ZSWIM5: variants seen among roughly 807,000 people sequenced by gnomAD.
ZSWIM5 encodes the protein zinc finger SWIM domain-containing protein 5.
Under a neutral mutation model 119.6 loss-of-function variants are expected in ZSWIM5, and 55 were observed. The observed-to-expected ratio is 0.46, with a 90% CI of 0.37 to 0.58. The LOEUF is 0.58. Ranked by LOEUF, ZSWIM5 falls within the 20% of genes least tolerant of loss-of-function variation. ZSWIM5 has a pLI of 0.00. For synonymous variants in ZSWIM5, 537 were observed against 606.9 expected, an observed-to-expected ratio of 0.88 and a Z score of 1.69; for missense variants, 1,193 against 1,512.8, an observed-to-expected ratio of 0.79 and a Z score of 3.51.
At chr1:45,197,946 CCAG>C (rs1258866715) in intron 1 of ZSWIM5, among the ~76,000 whole-genome samples, 1 of 152,184 alleles carries the variant, frequency 6.6e-6, no homozygotes, top group Non-Finnish European at 1.5e-5. Context: ...CCCAAATAAA[CCAG>C]CAGTTTACAA....
intron 1 of ZSWIM5, among the ~76,000 whole-genome samples, chr1:45,162,768 G>C: frequency 6.6e-6 from 1 of 152,240 alleles, no homozygotes; most frequent in East Asian, 1.9e-4. Flanking sequence ...AGCCAGGCTG[G>C]GGGAGGGGCA....
At chr1:45,091,958 G>T (rs1239886229) in intron 1 of ZSWIM5, among the ~76,000 whole-genome samples, 2 of 151,920 alleles carry the variant, frequency 1.3e-5, no homozygotes, top group African/African-American at 4.8e-5. Context: ...AAACCACGCT[G>T]GTTGTGTATT....
chr1:45,082,449 A>G (rs1260949394), intron 2 of ZSWIM5, among the ~76,000 whole-genome samples: 1 of 152,188 alleles, frequency 6.6e-6, no homozygotes, highest in Admixed American at 6.5e-5. Context: ...TGGCAACATC[A>G]TTATCAAAAC....
intron 1 of ZSWIM5, among the ~76,000 whole-genome samples, chr1:45,150,585 T>C (rs1327549486): frequency 6.6e-6 from 1 of 152,220 alleles, no homozygotes; most frequent in Non-Finnish European, 1.5e-5. Flanking sequence ...CTATCCACCT[T>C]CCAGCTCCCC....
chr1:45,154,599 T>G (rs576690763), intron 1 of ZSWIM5, among the ~76,000 whole-genome samples: 18 of 152,244 alleles, frequency 1.2e-4, no homozygotes, highest in Admixed American at 2.6e-4. Flanking sequence ...AGCTCAAGAT[T>G]GACCAGGTGT....
Position 45,030,330 on chromosome 1 carries a change from C to T in ZSWIM5, c.2449+3982G>A, listed in dbSNP as rs562405241. 1.5e-4 allele frequency among the ~76,000 whole-genome samples: 23 copies of T among 152,170 alleles called. 1 individual carries two copies. The South Asian group carries it at 2.7e-3, about 18-fold the overall frequency. On this transcript the variant is annotated intron_variant, in intron 11 of 13. Transcript: ENST00000359600. ...TGGCGCAATCTCGGCTCACTGCAAC[C>T]TCTGCCTCCCAGTTCAAGTGATTCT...
At chr1:45,063,283 C>T (rs934859227) in intron 2 of ZSWIM5, among the ~76,000 whole-genome samples, 2 of 152,092 alleles carry the variant, frequency 1.3e-5, no homozygotes, top group South Asian at 2.1e-4. Context: ...GTGCCTGTAT[C>T]TTTTTGGTAG....
intron 1 of ZSWIM5, among the ~76,000 whole-genome samples, chr1:45,151,326 G>T (rs1221025132): frequency 4.6e-5 from 7 of 151,962 alleles, no homozygotes; most frequent in Non-Finnish European, 8.8e-5. Context: ...TTTATTCACT[G>T]TGGTAACTCC....
intron 1 of ZSWIM5, among the ~76,000 whole-genome samples, chr1:45,094,500 TG>T (rs1645387520): frequency 6.6e-6 from 1 of 152,030 alleles, no homozygotes; most frequent in Non-Finnish European, 1.5e-5. Flanking sequence ...CCCAGCACTT[TG>T]GGAGCCCAAG....
chr1:45,031,088 G>A (rs1363179003), intron 11 of ZSWIM5, among the ~76,000 whole-genome samples: 2 of 151,118 alleles, frequency 1.3e-5, no homozygotes, highest in East Asian at 1.9e-4. Context: ...GTGAGCCACC[G>A]TGCCCAGCCT....
intron 11 of ZSWIM5, among the ~76,000 whole-genome samples, chr1:45,029,523 G>C (rs7537361): frequency 6.6e-6 from 1 of 151,910 alleles, no homozygotes; most frequent in African/African-American, 2.4e-5. Context: ...GCCAGGTTTC[G>C]ATTGTAAAGT....
At chr1:45,089,030 G>C (rs531712231) in intron 1 of ZSWIM5, among the ~76,000 whole-genome samples, 2 of 152,178 alleles carry the variant, frequency 1.3e-5, no homozygotes, top group East Asian at 3.9e-4. Context: ...TGCAATCTTG[G>C]CTCACTTCGG....
rs184674209 is a variant in ZSWIM5, at chr1:45,107,132, T to G, written c.596-18895A>C. On this transcript the variant is annotated intron_variant, in intron 1 of 13. Coordinates refer to ENST00000359600, the MANE Select transcript of ZSWIM5 (RefSeq NM_020883.2). Reference sequence around the variant, plus strand: ...CCAGAGACCTTTGTTCTCGTGTTTATCTGCTGACCTTCTCTCCCTATTATC... The same window carrying G: ...CCAGAGACCTTTGTTCTCGTGTTTAGCTGCTGACCTTCTCTCCCTATTATC... Among the ~76,000 whole-genome samples, 494 of 152,272 alleles carry G rather than the reference T, an allele frequency of 3.2e-3. 2 individuals are homozygous for G. Among genetic ancestry groups the G allele is most frequent in the African/African-American group, 0.011 (477 of 41,548 alleles).
intron 1 of ZSWIM5, among the ~76,000 whole-genome samples, chr1:45,163,110 C>G (rs1029128401): frequency 6.6e-6 from 1 of 152,204 alleles, no homozygotes; most frequent in East Asian, 1.9e-4. Flanking sequence ...AGATGCCCCT[C>G]TGAGATGAAG....
chr1:45,145,408 A>G (rs759873753), intron 1 of ZSWIM5, among the ~76,000 whole-genome samples: 8 of 152,146 alleles, frequency 5.3e-5, no homozygotes, highest in Non-Finnish European at 1.0e-4. Context: ...GCCAAAAATT[A>G]GAAACAACCC....
chr1:45,052,813 G>T (rs2148997825), intron 4 of ZSWIM5, among the ~76,000 whole-genome samples: 1 of 151,690 alleles, frequency 6.6e-6, no homozygotes, highest in Admixed American at 6.6e-5. Flanking sequence ...TTTTTTAAAT[G>T]TACCATGAAA....
At chr1:45,029,539 A>AT (rs1475600523) in intron 11 of ZSWIM5, among the ~76,000 whole-genome samples, 1 of 151,864 alleles carries the variant, frequency 6.6e-6, no homozygotes, top group Non-Finnish European at 1.5e-5. Context: ...AAAGTTATAC[A>AT]TTTTTCCTTT....
At position 45,045,703 on chromosome 1, in the gene ZSWIM5, A is replaced by G. The variant is rs577190070; in HGVS notation, c.1433-2308T>C. Among the ~76,000 whole-genome samples, 3 of 152,276 alleles carry G rather than the reference A, an allele frequency of 2.0e-5. No individual in the cohort carries two copies. In the East Asian group the frequency reaches 5.8e-4, roughly 29 times the overall value. On this transcript the variant is annotated intron_variant, in intron 5 of 13. Transcript: ENST00000359600. ...TACTGGGCTCCCAATATATTTTTAAATTGATTAAATCAGCAAATAATTTCT... is the reference window on the plus strand; with the variant it reads ...TACTGGGCTCCCAATATATTTTTAAGTTGATTAAATCAGCAAATAATTTCT...
intron 1 of ZSWIM5, among the ~76,000 whole-genome samples, chr1:45,092,821 G>A (rs968659281): frequency 6.6e-6 from 1 of 152,214 alleles, no homozygotes; most frequent in Non-Finnish European, 1.5e-5. Context: ...CTCTGATAAA[G>A]AACAAATTCT....
Sources: gnomAD v4.1 joint callset for allele counts (sites outside exome capture counted in the v4.1 genomes callset) on GRCh38, gnomAD v4.1.1 for gene constraint, MANE v1.5 for transcripts, NCBI Gene and HGNC (gene_info 2026-07-23, HGNC 2026-07-21) for gene names.